LRRC9: variants seen among roughly 807,000 people sequenced by gnomAD.
The protein encoded by LRRC9 is leucine-rich repeat-containing protein 9.
In LRRC9, 122 loss-of-function variants were observed where a neutral mutation model predicts 63.2. That is an observed-to-expected ratio of 1.93 (90% CI 1.67 to 2.24). LRRC9 has a LOEUF of 2.24. Among genes scored for constraint, LRRC9 ranks in the 30% most tolerant of loss-of-function variants. LRRC9 has a pLI of 0.00. For missense variants in LRRC9, 1,071 were observed against 627.7 expected, an observed-to-expected ratio of 1.71 and a Z score of -7.55; for synonymous variants, 366 against 213.1, an observed-to-expected ratio of 1.72 and a Z score of -6.25.
intron 31 of LRRC9, among the ~76,000 whole-genome samples, chr14:60,062,955 A>C (rs1894750471): frequency 6.6e-6 from 1 of 151,366 alleles, no homozygotes; most frequent in Non-Finnish European, 1.5e-5. Flanking sequence ...ACAGTGGCAC[A>C]ATCTTGGCTC....
chr14:59,993,524 G>A (rs1193657611), intron 17 of LRRC9, among the ~76,000 whole-genome samples: 1 of 152,158 alleles, frequency 6.6e-6, no homozygotes, highest in Non-Finnish European at 1.5e-5. Context: ...TGGCAAATTG[G>A]ATAAAGAATC....
intron 15 of LRRC9, among the ~76,000 whole-genome samples, chr14:59,978,698 T>G (rs1229984596): frequency 6.6e-6 from 1 of 152,238 alleles, no homozygotes; most frequent in Non-Finnish European, 1.5e-5. Context: ...GTTGATATAC[T>G]GTGTCCATAT....
At position 59,942,726 on chromosome 14, in the gene LRRC9, T is replaced by C. The variant is rs1360240542; in HGVS notation, c.727-1863T>C. On this transcript the variant is annotated intron_variant, in intron 7 of 31. Transcript: ENST00000445360. This position sits in a 1 kb window ranked among gnomAD's most constrained non-coding sequence, Gnocchi z 5.3. ...CTGGGTGACAGAGTGAGACTCCGTC[T>C]CAAAAAAAAGAGTTCCCTTTGCTCT... is the stretch of plus-strand genomic sequence containing the variant. Among the ~76,000 whole-genome samples the C allele has an allele frequency of 1.3e-5, 2 of 151,238 alleles. No individual in the cohort carries two copies. The highest frequency in any genetic ancestry group is 3.9e-4 in the East Asian group (2 of 5,174).
chr14:59,946,596 G>A (rs1173429056), intron 8 of LRRC9, among the ~76,000 whole-genome samples: 7 of 145,150 alleles, frequency 4.8e-5, no homozygotes, highest in Non-Finnish European at 9.0e-5. Context: ...ATGCTGGTGC[G>A]CTGCACCCAC....
downstream of LRRC9, among the ~76,000 whole-genome samples, chr14:60,064,504 A>C (rs1894830342): frequency 6.6e-6 from 1 of 152,170 alleles, no homozygotes; most frequent in Non-Finnish European, 1.5e-5. Context: ...CTATGCAACA[A>C]TTTTGTATTT....
rs1412263376 is a variant in LRRC9 at position 60,060,416 on chromosome 14, A to T, written c.4276+2394A>T. On this transcript the variant is annotated intron_variant, in intron 31 of 31. Transcript: ENST00000445360. This position sits in a 1 kb window ranked among gnomAD's most constrained non-coding sequence, Gnocchi z 4.0. ...TAACTTCAAGTATTATGATTTAAGA[A>T]ATATATTTTGTAAGGCTCTAACTAC... Among the ~76,000 whole-genome samples the T allele has an allele frequency of 3.3e-5, 5 of 152,176 alleles. No homozygotes were observed. Among genetic ancestry groups the T allele is most frequent in the Non-Finnish European group, 5.9e-5 (4 of 68,030 alleles).
chr14:59,977,128 A>G, intron 13 of LRRC9, 97 bp from the exon 14 acceptor site: 1 of 592,748 alleles, frequency 1.7e-6, no homozygotes, highest in Admixed American at 3.2e-5. Flanking sequence ...GCCTTTACAG[A>G]ACATACAGTT....
Position 60,053,296 on chromosome 14 carries a change from T to C in LRRC9, c.4131+91T>C. The C allele has an allele frequency of 1.6e-6, 1 of 608,148 alleles. No homozygotes were observed. Among genetic ancestry groups the C allele is most frequent in the Non-Finnish European group, 2.9e-6 (1 of 340,574 alleles). 37.7% of individuals were successfully genotyped at this position (608,148 alleles called of 1,614,324 possible). On this transcript the variant is annotated intron_variant, in intron 30 of 31. Transcript: ENST00000445360. The surrounding 1 kb of genome is among the most constrained non-coding windows in gnomAD (Gnocchi z 4.8). ...ATCTTTTGATTTAAATGTTTAAACC[T>C]ATGGCGTTTTTGATAAGGATGATCT...
At chr14:60,006,585 A>G (rs201323289) in exon 22 of LRRC9, 4 of 693,290 alleles carry the variant, frequency 5.8e-6, no homozygotes, top group Non-Finnish European at 1.1e-5. Context: ...CAATAACTAT[A>G]TTGCTGTCAA....
chr14:60,048,673 C>T (rs907179681), intron 29 of LRRC9, among the ~76,000 whole-genome samples: 1 of 152,040 alleles, frequency 6.6e-6, no homozygotes, highest in Non-Finnish European at 1.5e-5. Flanking sequence ...AAAAAAAGCC[C>T]AGGACCAGAC....
In LRRC9 at chr14:60,058,032, C is replaced by A. The variant is rs893577500; in HGVS notation, c.4276+10C>A. 1.7e-6 allele frequency: 1 copy of A among 600,610 alleles called. No individual in the cohort carries two copies. The allele number at this position is 600,610 out of a possible 1,614,324, so 37.2% of individuals were successfully genotyped here. A position where few individuals can be genotyped will look rare whatever the true frequency, so the allele number is the denominator to read the frequency against. The stretch of plus-strand genomic sequence containing the variant: ...ACTCCTGAAGTTGAAGGTATTTTGA[C>A]AATTTCAGATAGAATGTAAAAGAAT... On this transcript the variant is annotated intron_variant, in intron 31 of 31. Coordinates refer to ENST00000445360, the Ensembl canonical transcript of LRRC9. The surrounding 1 kb of genome is among the most constrained non-coding windows in gnomAD (Gnocchi z 4.4).
chr14:59,921,748 A>T (rs1888798740), intron 1 of LRRC9, among the ~76,000 whole-genome samples: 1 of 149,876 alleles, frequency 6.7e-6, no homozygotes, highest in Non-Finnish European at 1.5e-5. Context: ...TGCACAGAAA[A>T]GAAGATAAGG....
downstream of LRRC9, among the ~76,000 whole-genome samples, chr14:60,063,771 C>T (rs1894800131): frequency 6.6e-6 from 1 of 152,166 alleles, no homozygotes; most frequent in South Asian, 2.1e-4. Flanking sequence ...AGGAAATAGG[C>T]ATACTTTCAT....
At chr14:60,029,902 T>A (rs1410519178) in intron 28 of LRRC9, among the ~76,000 whole-genome samples, 2 of 152,024 alleles carry the variant, frequency 1.3e-5, no homozygotes, top group African/African-American at 2.4e-5. Flanking sequence ...TTAAGCTTAT[T>A]CTAACCATTA....
rs542669781 is a variant in LRRC9, at chr14:60,060,828, T to C, written c.4277-2495T>C. ...ACCTTCTGGAAAGGATTCACCATTC[T>C]AGACGCCATTAAAAACATTTGTAAT... On this transcript the variant is annotated intron_variant, in intron 31 of 31. Transcript: ENST00000445360. The surrounding 1 kb of genome is among the most constrained non-coding windows in gnomAD (Gnocchi z 4.0). Among the ~76,000 whole-genome samples, 19 of 152,216 alleles carry C rather than the reference T, an allele frequency of 1.2e-4. No homozygotes were observed. Among genetic ancestry groups the C allele is most frequent in the Non-Finnish European group, 2.5e-4 (17 of 68,038 alleles).
Position 59,966,495 on chromosome 14 carries a change from G to C in LRRC9, c.1212-94G>C. On this transcript the variant is annotated intron_variant, in intron 10 of 31. Transcript: ENST00000445360. This position sits in a 1 kb window ranked among gnomAD's most constrained non-coding sequence, Gnocchi z 4.0. ...CTTTAGCAAAAGACACAAAATATGAGCTATAACTTTTATCACGTAGTTTTC... is the reference window on the plus strand; with the variant it reads ...CTTTAGCAAAAGACACAAAATATGACCTATAACTTTTATCACGTAGTTTTC... 1 of 471,748 alleles carries C rather than the reference G, an allele frequency of 2.1e-6. No homozygotes were observed. The highest frequency in any genetic ancestry group is 5.1e-5 in the South Asian group (1 of 19,536). 29.2% of individuals were successfully genotyped at this position (471,748 alleles called of 1,614,324 possible). A position where few individuals can be genotyped will look rare whatever the true frequency, so the allele number is the denominator to read the frequency against.
At chr14:60,016,209 T>TA (rs201257508) in intron 23 of LRRC9, among the ~76,000 whole-genome samples, 1,565 of 152,080 alleles carry the variant, frequency 0.01, 8 homozygotes, top group Non-Finnish European at 0.015. Context: ...TTTCTTTAAT[T>TA]AAAAAAAATT....
exon 27 of LRRC9, chr14:60,022,763 C>A: frequency 3.0e-6 from 2 of 662,452 alleles, no homozygotes; most frequent in Admixed American, 2.2e-5. Flanking sequence ...AATTTGCCTC[C>A]AATAATGCAC....
chr14:60,016,614 A>G, intron 23 of LRRC9, 46 bp from the exon 24 acceptor site: 1 of 647,366 alleles, frequency 1.5e-6, no homozygotes, highest in Non-Finnish European at 2.9e-6. Flanking sequence ...TATGTAATTT[A>G]GTCATCTGTA....
Sources: allele counts gnomAD v4.1 joint callset (sites outside exome capture counted in the v4.1 genomes callset), GRCh38; gene constraint gnomAD v4.1.1; non-coding constraint Gnocchi (gnomAD v3.1); transcripts MANE v1.5; gene names NCBI Gene and HGNC (gene_info 2026-07-23, HGNC 2026-07-21).